The following BFSP2 variants were observed in gnomAD, a reference collection of about 807,000 sequenced individuals.
BFSP2 encodes the protein phakinin.
A neutral mutation model predicts 44.9 loss-of-function variants in BFSP2; 38 were observed. That is an observed-to-expected ratio of 0.85 (90% CI 0.65 to 1.11). The LOEUF (loss-of-function observed/expected upper bound fraction) is 1.11, where lower values mean the gene tolerates loss of function less well. BFSP2 is among the 50% of genes least tolerant of loss of function. The pLI, the probability that BFSP2 is intolerant of heterozygous loss-of-function variation, is 0.00. For missense variants in BFSP2, 525 were observed against 533.0 expected (o/e 0.99, Z 0.15); for synonymous variants, 197 against 209.9 (o/e 0.94, Z 0.53).
In BFSP2 at chr3:133,466,979, A is replaced by T. The variant is rs372127035; in HGVS notation, c.1023+20A>T. The T allele has an allele frequency of 6.2e-7, 1 of 1,613,098 alleles. No individual in the cohort carries two copies. The stretch of plus-strand genomic sequence containing the variant: ...GCCCTGGTAAGTGGGCCAAGGAAAG[A>T]CCTGGTGTCCTTGTGCTAATTTTAA... On this transcript the variant is annotated intron_variant, in intron 5 of 6. Transcript: ENST00000302334.
chr3:133,414,476 T>C (rs200895323), intron 1 of BFSP2, among the ~76,000 whole-genome samples: 1 of 67,404 alleles, frequency 1.5e-5, no homozygotes, highest in Admixed American at 1.9e-4. Flanking sequence ...CCCTCTCTCC[T>C]CTACTCACCC....
chr3:133,467,251 C>T (rs1184485482), intron 5 of BFSP2, among the ~76,000 whole-genome samples: 1 of 152,220 alleles, frequency 6.6e-6, no homozygotes, highest in Admixed American at 6.5e-5. Flanking sequence ...CAGAGACCTG[C>T]CCTTACCCAC....
At chr3:133,439,236 A>G (rs2073821168) in intron 1 of BFSP2, among the ~76,000 whole-genome samples, 1 of 152,242 alleles carries the variant, frequency 6.6e-6, no homozygotes, top group Admixed American at 6.5e-5. Flanking sequence ...GTTTGGCTGT[A>G]AAATGTGAAT....
At chr3:133,455,384 C>T (rs2074004622) in intron 4 of BFSP2, 1 of 152,332 alleles carries the variant, frequency 6.6e-6, no homozygotes, top group Middle Eastern at 3.4e-3. Context: ...CGTTCAATTC[C>T]TTGCAGATGT....
intron 1 of BFSP2, among the ~76,000 whole-genome samples, chr3:133,416,466 C>T (rs1191298426): frequency 6.7e-6 from 1 of 148,830 alleles, no homozygotes. Context: ...TGCTATCTCC[C>T]ATCTACTCAC....
At chr3:133,444,609 C>A (rs1032924155) in intron 1 of BFSP2, among the ~76,000 whole-genome samples, 1 of 152,148 alleles carries the variant, frequency 6.6e-6, no homozygotes, top group Non-Finnish European at 1.5e-5. Context: ...AGAGAATCAG[C>A]AAAGGCCCCA....
At chr3:133,439,411 G>A (rs2073822740) in intron 1 of BFSP2, among the ~76,000 whole-genome samples, 1 of 152,240 alleles carries the variant, frequency 6.6e-6, no homozygotes, top group African/African-American at 2.4e-5. Context: ...TGGGTGCTAA[G>A]GAAGCAGAGA....
chr3:133,442,591 A>G (rs1239349758), intron 1 of BFSP2, among the ~76,000 whole-genome samples: 1 of 152,168 alleles, frequency 6.6e-6, no homozygotes, highest in Non-Finnish European at 1.5e-5. Context: ...AGGATATTAC[A>G]ATGGGATATT....
At position 133,400,348 on chromosome 3, in the gene BFSP2, C is replaced by T. The variant is rs200369728; in HGVS notation, c.265C>T (p.Arg89Trp). ...CAGCAGTGTCTTCCTTCAGGGCCTG[C>T]GGAGCTCAGGCCTGGCCACCGTGCC... ...GISSVFLQGLRSSGLATVPAP... is the reference protein window; with the variant it reads ...GISSVFLQGLWSSGLATVPAP... The change falls in exon 1 of 7, where the codon CGG becomes TGG. Residue 89 changes from arginine to tryptophan, a missense_variant. Coordinates refer to ENST00000302334, the MANE Select transcript of BFSP2 (RefSeq NM_003571.4). The surrounding 1 kb of genome is among the most constrained non-coding windows in gnomAD (Gnocchi z 4.0). 248 of 1,614,022 alleles carry T rather than the reference C, an allele frequency of 1.5e-4. No individual in the cohort carries two copies. Among genetic ancestry groups the T allele is most frequent in the Non-Finnish European group, 1.9e-4 (223 of 1,180,034 alleles).
At chr3:133,446,903 G>A (rs1468674075) in intron 1 of BFSP2, among the ~76,000 whole-genome samples, 1 of 151,804 alleles carries the variant, frequency 6.6e-6, no homozygotes, top group South Asian at 2.1e-4. Flanking sequence ...AGCTCTCTCA[G>A]CACTCATCTA....
intron 5 of BFSP2, among the ~76,000 whole-genome samples, chr3:133,468,130 T>TAC (rs774046709): frequency 1.3e-5 from 2 of 152,214 alleles, no homozygotes; most frequent in African/African-American, 4.8e-5. Flanking sequence ...CCTAGAACTG[T>TAC]ACCAAGTGCT....
intron 1 of BFSP2, among the ~76,000 whole-genome samples, chr3:133,422,473 C>T (rs1387243406): frequency 6.6e-6 from 1 of 152,138 alleles, no homozygotes; most frequent in African/African-American, 2.4e-5. Flanking sequence ...GAGATGAAGC[C>T]CTCTCCCTCT....
chr3:133,407,287 T>C (rs752102498), intron 1 of BFSP2, among the ~76,000 whole-genome samples: 1 of 152,216 alleles, frequency 6.6e-6, no homozygotes, highest in Non-Finnish European at 1.5e-5. Context: ...TTATTTATGA[T>C]AGCGTAAGAT....
intron 1 of BFSP2, among the ~76,000 whole-genome samples, chr3:133,436,780 G>A (rs976310535): frequency 5.9e-5 from 9 of 152,046 alleles, no homozygotes; most frequent in South Asian, 2.1e-4. Flanking sequence ...TACAGGCCCT[G>A]GTGTGTGATG....
chr3:133,447,884 A>G (rs2073918193), intron 2 of BFSP2, among the ~76,000 whole-genome samples: 2 of 152,342 alleles, frequency 1.3e-5, no homozygotes, highest in Admixed American at 6.5e-5. Context: ...TGCACAAGCC[A>G]TAGACTAATT....
chr3:133,442,311 G>GT (rs374215706), intron 1 of BFSP2, among the ~76,000 whole-genome samples: 12 of 152,094 alleles, frequency 7.9e-5, no homozygotes, highest in African/African-American at 2.7e-4. Flanking sequence ...GATAAATTCT[G>GT]TTTTTTTGTT....
intron 1 of BFSP2, among the ~76,000 whole-genome samples, chr3:133,440,788 T>C (rs750373519): frequency 6.6e-6 from 1 of 152,198 alleles, no homozygotes; most frequent in Non-Finnish European, 1.5e-5. Flanking sequence ...TGCATGCTCA[T>C]CTGGCCCCTC....
chr3:133,447,317 G>C lies in BFSP2; in HGVS notation c.490G>C (p.Val164Leu), dbSNP rs554353353. The change falls in exon 2 of 7, where the codon GTG becomes CTG. Residue 164 changes from valine to leucine, a missense_variant and splice_region_variant. Physicochemically the swap from Val to Leu is conservative, Grantham distance 32. Coordinates refer to ENST00000302334, the MANE Select transcript of BFSP2 (RefSeq NM_003571.4). ...RASWASSCQQVGEAVLENARL... is the reference protein window; with the variant it reads ...RASWASSCQQLGEAVLENARL... ...CCTTTGGTGTGTGTGATCGCTCTAG[G>C]TGGGTGAGGCAGTCTTGGAAAATGC... The C allele has an allele frequency of 6.2e-7, 1 of 1,613,866 alleles. No homozygotes were observed. Among genetic ancestry groups the C allele is most frequent in the East Asian group, 2.2e-5 (1 of 44,878 alleles).
intron 4 of BFSP2, among the ~76,000 whole-genome samples, chr3:133,466,389 G>A (rs1020018831): frequency 7.1e-4 from 108 of 151,720 alleles, no homozygotes; most frequent in Non-Finnish European, 1.3e-3. Context: ...TAAAAAAAAA[G>A]ACATTTCCAG....
Sources: allele counts gnomAD v4.1 joint callset (sites outside exome capture counted in the v4.1 genomes callset), GRCh38; gene constraint gnomAD v4.1.1; non-coding constraint Gnocchi (gnomAD v3.1); transcripts MANE v1.5; gene names NCBI Gene and HGNC (gene_info 2026-07-23, HGNC 2026-07-21).